INPP5K: variants seen among roughly 807,000 people sequenced by gnomAD.
INPP5K encodes the protein inositol polyphosphate-5-phosphatase K, also known as inositol polyphosphate 5-phosphatase K.
Under a neutral mutation model 53.5 loss-of-function variants are expected in INPP5K, and 35 were observed. That is an observed-to-expected ratio of 0.65 (90% CI 0.50 to 0.87). INPP5K has a LOEUF of 0.87. Ranked by LOEUF, INPP5K falls within the 40% of genes least tolerant of loss-of-function variation. The pLI is 0.00. For synonymous variants in INPP5K, 253 were observed against 232.8 expected (o/e 1.09, Z -0.79); for missense variants, 550 against 586.2 (o/e 0.94, Z 0.64).
chr17:1,496,099 G>T lies in INPP5K; in HGVS notation c.1251C>A (p.Asn417Lys), dbSNP rs1164071040. The T allele has an allele frequency of 6.2e-7, 1 of 1,613,136 alleles. No homozygotes were observed. The highest frequency in any genetic ancestry group is 2.2e-5 in the East Asian group (1 of 44,896). ...TTATCCCCACCACAGAACGCAGACT[G>T]TTGCTGTAGTAACAGAGGAGAAACT... The part of the protein sequence containing the change: ...EDEFLLCYYS[N>K]SLRSVVGISR... The change falls in exon 11 of 12, where the codon AAC (asparagine) becomes AAA (lysine). Residue 417 changes from asparagine (N) to lysine (K), a missense_variant. Physicochemically the swap from Asn to Lys is moderately conservative, Grantham distance 94. Coordinates refer to ENST00000421807, the MANE Select transcript of INPP5K (RefSeq NM_016532.4).
At position 1,498,131 on chromosome 17, in the gene INPP5K, G is replaced by T; in HGVS notation, c.777-9C>A. On this transcript the variant is annotated splice_polypyrimidine_tract_variant and intron_variant, in intron 7 of 11. Transcript: ENST00000421807. ...GCTTGCGTTTTTTCTCACTGCAGGG[G>T]CAGGGGGCATAAAGAGGAAGAATGG... is the stretch of plus-strand genomic sequence containing the variant. 1 of 1,588,754 alleles carries T rather than the reference G, an allele frequency of 6.3e-7. No individual in the cohort carries two copies. The highest frequency in any genetic ancestry group is 1.3e-5 in the African/African-American group (1 of 74,486).
intron 8 of INPP5K, 36 bp from the exon 9 acceptor site, chr17:1,496,839 AG>A: frequency 6.2e-7 from 1 of 1,606,426 alleles, no homozygotes; most frequent in Non-Finnish European, 8.5e-7. Context: ...TGAATCTCGC[AG>A]CATCATTCCC....
At chr17:1,513,712 G>T in intron 2 of INPP5K, 151 bp from the exon 3 acceptor site, 1 of 898,438 alleles carries the variant, frequency 1.1e-6, no homozygotes, top group Non-Finnish European at 1.8e-6. Context: ...AGCCCCCTTT[G>T]CCGTTGCTGA....
At chr17:1,503,219 T>C (rs1221514087) in intron 7 of INPP5K, among the ~76,000 whole-genome samples, 1 of 149,840 alleles carries the variant, frequency 6.7e-6, no homozygotes, top group Non-Finnish European at 1.5e-5. Flanking sequence ...AGTCTCGCTC[T>C]GTCACTCAGG....
chr17:1,506,924 G>A, intron 7 of INPP5K, 56 bp downstream of exon 7: 3 of 1,203,646 alleles, frequency 2.5e-6, no homozygotes, highest in Non-Finnish European at 3.7e-6. Context: ...TCCCATGCCA[G>A]CAGGGTCAGT....
At chr17:1,507,416 G>T (rs898040323) in intron 6 of INPP5K, 2 of 303,672 alleles carry the variant, frequency 6.6e-6, no homozygotes, top group African/African-American at 4.3e-5. Context: ...GGAAGCCAGG[G>T]TTCTCCAAAG....
chr17:1,514,016 G>A (rs1320426445), intron 1 of INPP5K, 37 bp from the exon 2 acceptor site: 2 of 1,488,782 alleles, frequency 1.3e-6, no homozygotes, highest in Non-Finnish European at 1.9e-6. Flanking sequence ...ATGGAGGAAG[G>A]AGGATAAGAT....
chr17:1,505,597 CCT>C (rs770664457), intron 7 of INPP5K, among the ~76,000 whole-genome samples: 1 of 152,102 alleles, frequency 6.6e-6, no homozygotes, highest in Non-Finnish European at 1.5e-5. Context: ...ACGACCCTAC[CCT>C]GTCTTGCTCC....
At chr17:1,515,198 C>G (rs145289537) in intron 1 of INPP5K, among the ~76,000 whole-genome samples, 2 of 152,192 alleles carry the variant, frequency 1.3e-5, no homozygotes, top group African/African-American at 4.8e-5. Flanking sequence ...CCTGAGCCAC[C>G]GCGCCCGGCC....
At chr17:1,498,252 G>C (rs79343906) in intron 7 of INPP5K, 130 bp from the exon 8 acceptor site, 276 of 762,390 alleles carry the variant, frequency 3.6e-4, no homozygotes, top group Non-Finnish European at 4.5e-4. Flanking sequence ...CAGACCCCCG[G>C]GGCCAGAGCC....
chr17:1,497,508 G>C (rs758967940), intron 8 of INPP5K, among the ~76,000 whole-genome samples: 2 of 152,102 alleles, frequency 1.3e-5, no homozygotes, highest in Admixed American at 6.6e-5. Context: ...GTATGAAAAC[G>C]TGAAGGCTGA....
chr17:1,511,674 C>T (rs1280099135), intron 3 of INPP5K, among the ~76,000 whole-genome samples: 1 of 152,154 alleles, frequency 6.6e-6, no homozygotes. Context: ...TACACCCAAG[C>T]ACACGTGCCA....
intron 3 of INPP5K, among the ~76,000 whole-genome samples, chr17:1,511,262 C>CTCCT (rs1447883460): frequency 1.3e-3 from 196 of 152,256 alleles, no homozygotes; most frequent in African/African-American, 4.5e-3. Context: ...TTTAGGGAGG[C>CTCCT]TAAGGAACCA....
At chr17:1,499,501 A>C (rs1439973025) in intron 7 of INPP5K, among the ~76,000 whole-genome samples, 1 of 152,130 alleles carries the variant, frequency 6.6e-6, no homozygotes, top group African/African-American at 2.4e-5. Flanking sequence ...TCCAAAAAAA[A>C]AGGAGTCGAC....
intron 3 of INPP5K, among the ~76,000 whole-genome samples, chr17:1,512,541 C>T (rs1286715331): frequency 6.6e-6 from 1 of 152,144 alleles, no homozygotes; most frequent in Non-Finnish European, 1.5e-5. Context: ...AAGAGTCATC[C>T]AGGAAGGGGA....
At chr17:1,515,470 A>G in intron 1 of INPP5K, 1 of 985,574 alleles carries the variant, frequency 1.0e-6, no homozygotes, top group Non-Finnish European at 1.2e-6. Context: ...CTCTTCAAGA[A>G]GCCTCAGACT....
At chr17:1,506,888 CCCT>C in intron 7 of INPP5K, 89 bp downstream of exon 7, 1 of 869,578 alleles carries the variant, frequency 1.1e-6, no homozygotes. Context: ...TTCCTGCCCC[CCCT>C]AACACTTCTA....
At chr17:1,512,717 C>T (rs1258972570) in intron 3 of INPP5K, among the ~76,000 whole-genome samples, 1 of 152,154 alleles carries the variant, frequency 6.6e-6, no homozygotes, top group Non-Finnish European at 1.5e-5. Flanking sequence ...CCAGAGTATA[C>T]TGGTCTCTCA....
intron 9 of INPP5K, 100 bp downstream of exon 9, chr17:1,496,566 G>T: frequency 6.7e-7 from 1 of 1,494,604 alleles, no homozygotes; most frequent in Non-Finnish European, 9.3e-7. Flanking sequence ...TGGGGTGGAT[G>T]AGGGTGAGTT....
Sources: allele counts gnomAD v4.1 joint callset (sites outside exome capture counted in the v4.1 genomes callset), GRCh38; gene constraint gnomAD v4.1.1; transcripts MANE v1.5; gene names NCBI Gene and HGNC (gene_info 2026-07-23, HGNC 2026-07-21).